PRKD1: variants seen among roughly 807,000 people sequenced by gnomAD.
PRKD1 encodes serine/threonine-protein kinase D1.
In PRKD1, 63 loss-of-function variants were observed where a neutral mutation model predicts 95.9. That is an observed-to-expected ratio of 0.66 (90% CI 0.54 to 0.81). The LOEUF is 0.81. Among genes scored for constraint, PRKD1 ranks in the 30% least tolerant of loss-of-function variants. The pLI, the probability that PRKD1 is intolerant of heterozygous loss-of-function variation, is 0.00. For synonymous variants in PRKD1, 425 were observed against 423.1 expected (o/e 1.00, Z -0.05); for missense variants, 1,048 against 1,165.3 (o/e 0.90, Z 1.47).
At chr14:29,915,533 TTC>T (rs1248201936) in intron 1 of PRKD1, among the ~76,000 whole-genome samples, 1 of 152,156 alleles carries the variant, frequency 6.6e-6, no homozygotes, top group African/African-American at 2.4e-5. Flanking sequence ...AGTTCTAATG[TTC>T]TCTCTATTAA....
intron 1 of PRKD1, among the ~76,000 whole-genome samples, chr14:29,831,813 T>C (rs1209422077): frequency 1.3e-5 from 2 of 152,184 alleles, no homozygotes; most frequent in African/African-American, 4.8e-5. Context: ...AATAATCACT[T>C]ATGGATGTCC....
chr14:29,842,121 ATCT>A (rs1261797781), intron 1 of PRKD1, among the ~76,000 whole-genome samples: 1 of 152,198 alleles, frequency 6.6e-6, no homozygotes. Flanking sequence ...TGGAGATGTC[ATCT>A]TCTATGATAA....
intron 1 of PRKD1, among the ~76,000 whole-genome samples, chr14:29,901,590 T>C (rs1894320177): frequency 6.6e-6 from 1 of 152,076 alleles, no homozygotes; most frequent in Admixed American, 6.5e-5. Flanking sequence ...ATAAAAAAGA[T>C]ACAGCATAGT....
intron 11 of PRKD1, among the ~76,000 whole-genome samples, chr14:29,627,645 T>C (rs1223787494): frequency 1.3e-5 from 2 of 152,198 alleles, no homozygotes; most frequent in African/African-American, 4.8e-5. Flanking sequence ...TGACTTTATT[T>C]TTTTAAACTC....
At chr14:29,699,415 T>G (rs1884711172) in intron 2 of PRKD1, among the ~76,000 whole-genome samples, 1 of 152,196 alleles carries the variant, frequency 6.6e-6, no homozygotes, top group African/African-American at 2.4e-5. Context: ...CCATTTTTTT[T>G]CAATTGCGTA....
At chr14:29,717,785 G>A (rs61978021) in intron 2 of PRKD1, among the ~76,000 whole-genome samples, 10,390 of 152,182 alleles carry the variant, frequency 0.068, 510 homozygotes, top group Non-Finnish European at 0.11. Context: ...ATTTTCATAT[G>A]AAATAAGAGG....
intron 13 of PRKD1, among the ~76,000 whole-genome samples, chr14:29,616,962 C>T (rs1009001381): frequency 5.3e-5 from 8 of 152,122 alleles, no homozygotes; most frequent in African/African-American, 1.9e-4. Flanking sequence ...CCATACTCCT[C>T]CCTCAAGTAG....
intron 16 of PRKD1, among the ~76,000 whole-genome samples, chr14:29,582,106 T>TA (rs370007096): frequency 1.7e-3 from 258 of 151,958 alleles, no homozygotes; most frequent in African/African-American, 5.1e-3. Context: ...TAATCCTACT[T>TA]AAAAAAAAGT....
chr14:29,631,418 G>A (rs10135620), intron 9 of PRKD1, among the ~76,000 whole-genome samples: 48,486 of 151,834 alleles, frequency 0.32, 9,077 homozygotes, highest in African/African-American at 0.52. Flanking sequence ...TATTCTTTAA[G>A]GCACTCAATA....
Position 29,578,439 on chromosome 14 carries a change from C to T in PRKD1, c.2435-79G>A, listed in dbSNP as rs1157081320. 19 of 1,007,224 alleles carry T rather than the reference C, an allele frequency of 1.9e-5. No individual in the cohort carries two copies. The Admixed American group carries it at 2.2e-4, about 12-fold the overall frequency. The allele number at this position is 1,007,224 out of a possible 1,614,324, so 62.4% of individuals were successfully genotyped here. Reference sequence around the variant, plus strand: ...TCATTTATAGTTTATTTCACATCTGCTATTTCACACAGTTAAATGCAGCAT... The same window carrying T: ...TCATTTATAGTTTATTTCACATCTGTTATTTCACACAGTTAAATGCAGCAT... On this transcript the variant is annotated intron_variant, in intron 16 of 17. Coordinates refer to ENST00000331968, the MANE Select transcript of PRKD1 (RefSeq NM_002742.3).
At chr14:29,717,348 T>C (rs764840099) in intron 2 of PRKD1, among the ~76,000 whole-genome samples, 1 of 152,114 alleles carries the variant, frequency 6.6e-6, no homozygotes, top group Non-Finnish European at 1.5e-5. Flanking sequence ...TTTATATTTA[T>C]TCTCATGAAT....
intron 1 of PRKD1, among the ~76,000 whole-genome samples, chr14:29,857,508 A>G (rs1892551017): frequency 6.6e-6 from 1 of 152,350 alleles, no homozygotes; most frequent in East Asian, 1.9e-4. Flanking sequence ...GGTCCTCTAC[A>G]TTCTCTGAGG....
intron 1 of PRKD1, among the ~76,000 whole-genome samples, chr14:29,796,418 C>T (rs1180771156): frequency 6.6e-6 from 1 of 151,930 alleles, no homozygotes; most frequent in Non-Finnish European, 1.5e-5. Context: ...TTGATGTAGA[C>T]CTAAAAATTC....
At chr14:29,610,383 A>G (rs1216033726) in intron 13 of PRKD1, among the ~76,000 whole-genome samples, 2 of 152,218 alleles carry the variant, frequency 1.3e-5, no homozygotes, top group Non-Finnish European at 2.9e-5. Context: ...CTTACCAAAG[A>G]AGCTATACAG....
chr14:29,595,587 G>A (rs1235208684), intron 16 of PRKD1, among the ~76,000 whole-genome samples: 3 of 152,086 alleles, frequency 2.0e-5, no homozygotes, highest in Admixed American at 2.0e-4. Context: ...TCTATTACTA[G>A]TGATAATTAA....
intron 1 of PRKD1, among the ~76,000 whole-genome samples, chr14:29,747,888 A>G (rs1887302264): frequency 6.6e-6 from 1 of 151,866 alleles, no homozygotes. Context: ...GGATTACAGG[A>G]GCCCACCACT....
At chr14:29,801,066 AGTGT>A (rs142175166) in intron 1 of PRKD1, among the ~76,000 whole-genome samples, 1 of 150,850 alleles carries the variant, frequency 6.6e-6, no homozygotes, top group Non-Finnish European at 1.5e-5. Flanking sequence ...AGGGGACCCA[AGTGT>A]GTGTGTGTGT....
At chr14:29,690,878 T>C (rs529549288) in intron 2 of PRKD1, among the ~76,000 whole-genome samples, 2 of 152,296 alleles carry the variant, frequency 1.3e-5, no homozygotes, top group East Asian at 3.9e-4. Context: ...CAGCTTAAAC[T>C]TCATTGGACT....
At chr14:29,588,783 C>A (rs1594341787) in intron 16 of PRKD1, among the ~76,000 whole-genome samples, 1 of 137,736 alleles carries the variant, frequency 7.3e-6, no homozygotes, top group African/African-American at 2.7e-5. Flanking sequence ...TTGCATTATT[C>A]CTAAAGTTGT....
Sources: gnomAD v4.1 joint callset for allele counts (sites outside exome capture counted in the v4.1 genomes callset) on GRCh38, gnomAD v4.1.1 for gene constraint, MANE v1.5 for transcripts, NCBI Gene and HGNC (gene_info 2026-07-23, HGNC 2026-07-21) for gene names.